Variants in PAN3 observed in about 807,000 individuals in gnomAD.
The protein encoded by PAN3 is PAN2-PAN3 deadenylation complex subunit PAN3.
Under a neutral mutation model 96.2 loss-of-function variants are expected in PAN3, and 19 were observed. That is an observed-to-expected ratio of 0.20 (90% CI 0.14 to 0.29). The LOEUF (loss-of-function observed/expected upper bound fraction) is 0.29, where lower values mean the gene tolerates loss of function less well. PAN3 is among the 10% of genes least tolerant of loss of function. PAN3 has a pLI of 1.00. For missense variants in PAN3, 882 were observed against 1,108.1 expected (o/e 0.80, Z 2.90); for synonymous variants, 433 against 406.6 (o/e 1.06, Z -0.78).
chr13:28,221,102 A>T (rs1193520633), intron 6 of PAN3, among the ~76,000 whole-genome samples: 1 of 152,124 alleles, frequency 6.6e-6, no homozygotes, highest in African/African-American at 2.4e-5. Flanking sequence ...ATTCATGCAG[A>T]TTTTGCATCT....
At chr13:28,194,154 AAAAT>A (rs376167758) in intron 4 of PAN3, among the ~76,000 whole-genome samples, 7,283 of 151,366 alleles carry the variant, frequency 0.048, 253 homozygotes, top group East Asian at 0.19. Context: ...CTCAAAAAAA[AAAAT>A]AAAAAGAGAC....
chr13:28,273,542 A>G (rs527969748), intron 14 of PAN3, among the ~76,000 whole-genome samples: 2 of 152,208 alleles, frequency 1.3e-5, no homozygotes, highest in East Asian at 1.9e-4. Context: ...CGGAGGTTGC[A>G]GTGAGCTGAG....
At position 28,138,704 on chromosome 13, in the gene PAN3, C is replaced by A; in HGVS notation, c.47C>A (p.Pro16His). The A allele has an allele frequency of 8.6e-7, 1 of 1,163,936 alleles. No individual in the cohort carries two copies. Among genetic ancestry groups the A allele is most frequent in the South Asian group, 2.3e-5 (1 of 43,820 alleles). 72.1% of individuals were successfully genotyped at this position (1,163,936 alleles called of 1,614,324 possible). Residue 16 changes from proline (P) to histidine (H), a missense_variant, in exon 1 of 19, where the codon CCT becomes CAT. Coordinates refer to ENST00000380958, the MANE Select transcript of PAN3 (RefSeq NM_175854.8). Reference protein sequence around the residue: ...GLPPPSAAASPSSSSLAAAVA... With the variant: ...GLPPPSAAASHSSSSLAAAVA... ...CCGCCCCCCTCGGCCGCCGCCTCCCCTTCCTCCTCCTCGCTGGCGGCGGCG... is the reference window on the plus strand; with the variant it reads ...CCGCCCCCCTCGGCCGCCGCCTCCCATTCCTCCTCCTCGCTGGCGGCGGCG...
At chr13:28,273,125 T>A (rs554744702) in intron 14 of PAN3, among the ~76,000 whole-genome samples, 16 of 152,358 alleles carry the variant, frequency 1.1e-4, no homozygotes, top group Non-Finnish European at 2.4e-4. Context: ...TAAGTAATTT[T>A]TTTATTTAGT....
At chr13:28,248,843 G>A (rs1176904231) in intron 6 of PAN3, among the ~76,000 whole-genome samples, 1 of 152,014 alleles carries the variant, frequency 6.6e-6, no homozygotes, top group Non-Finnish European at 1.5e-5. Context: ...GTTAGCTGTG[G>A]GTTTGTCATA....
chr13:28,279,946 C>A (rs1047209419), intron 15 of PAN3, among the ~76,000 whole-genome samples: 19 of 151,418 alleles, frequency 1.3e-4, no homozygotes, highest in Admixed American at 6.6e-4. Context: ...ACTACAGGTG[C>A]CCGCCACCAT....
intron 1 of PAN3, among the ~76,000 whole-genome samples, chr13:28,151,025 A>G (rs1038721749): frequency 1.3e-5 from 2 of 152,186 alleles, no homozygotes; most frequent in Non-Finnish European, 2.9e-5. Context: ...TGAAATAGGG[A>G]TATCAAGGTA....
At chr13:28,203,885 C>A (rs996260273) in intron 5 of PAN3, among the ~76,000 whole-genome samples, 1 of 147,876 alleles carries the variant, frequency 6.8e-6, no homozygotes, top group African/African-American at 2.5e-5. Flanking sequence ...CTCACTGCAT[C>A]CTCCACCTTC....
intron 1 of PAN3, among the ~76,000 whole-genome samples, chr13:28,145,459 G>T (rs1870507817): frequency 1.3e-5 from 2 of 151,938 alleles, no homozygotes; most frequent in South Asian, 4.1e-4. Flanking sequence ...TGAGTAGCTG[G>T]ACTTACAGGC....
intron 1 of PAN3, among the ~76,000 whole-genome samples, chr13:28,145,069 A>T (rs1163309383): frequency 6.6e-6 from 1 of 152,086 alleles, no homozygotes; most frequent in Non-Finnish European, 1.5e-5. Context: ...CCAATTTTAA[A>T]TGAACTTTTT....
At chr13:28,273,760 GT>G (rs934083318) in intron 14 of PAN3, among the ~76,000 whole-genome samples, 12 of 152,160 alleles carry the variant, frequency 7.9e-5, no homozygotes, top group African/African-American at 2.7e-4. Flanking sequence ...AAGTTTTTGG[GT>G]TTTTTGAACA....
chr13:28,216,655 T>C (rs940515440), intron 5 of PAN3, among the ~76,000 whole-genome samples: 6 of 152,178 alleles, frequency 3.9e-5, no homozygotes, highest in African/African-American at 1.4e-4. Context: ...GTGATTAAAA[T>C]AACCCTGACC....
chr13:28,262,115 T>C (rs1285220339), intron 9 of PAN3, among the ~76,000 whole-genome samples: 1 of 152,154 alleles, frequency 6.6e-6, no homozygotes, highest in African/African-American at 2.4e-5. Context: ...ACTTTATTTC[T>C]CACAAACATC....
At chr13:28,176,227 C>T (rs1324799149) in intron 2 of PAN3, among the ~76,000 whole-genome samples, 5 of 152,002 alleles carry the variant, frequency 3.3e-5, no homozygotes, top group Non-Finnish European at 7.4e-5. Flanking sequence ...TGTGTTTTGC[C>T]CAGGCTAATA....
intron 5 of PAN3, among the ~76,000 whole-genome samples, chr13:28,210,124 A>T (rs1392396574): frequency 6.6e-6 from 1 of 152,156 alleles, no homozygotes; most frequent in Non-Finnish European, 1.5e-5. Flanking sequence ...TTCTCATAAA[A>T]GGTACACCAG....
intron 18 of PAN3, among the ~76,000 whole-genome samples, chr13:28,291,867 C>T (rs1869793151): frequency 6.6e-6 from 1 of 152,068 alleles, no homozygotes; most frequent in Non-Finnish European, 1.5e-5. Flanking sequence ...CTTATAAATT[C>T]ATGGTGTCTG....
At chr13:28,196,305 G>GA (rs1260822213) in intron 4 of PAN3, among the ~76,000 whole-genome samples, 1 of 151,930 alleles carries the variant, frequency 6.6e-6, no homozygotes, top group Non-Finnish European at 1.5e-5. Flanking sequence ...TTTCTGAAGG[G>GA]AAAAAATACA....
In PAN3 at chr13:28,138,905, G is replaced by C. The variant is rs1159851629; in HGVS notation, c.248G>C (p.Ser83Thr). 7.2e-7 allele frequency: 1 copy of C among 1,386,804 alleles called. No individual in the cohort carries two copies. Among genetic ancestry groups the C allele is most frequent in the Non-Finnish European group, 9.3e-7 (1 of 1,074,536 alleles). The allele number at this position is 1,386,804 out of a possible 1,614,324, so 85.9% of individuals were successfully genotyped here. The change falls in exon 1 of 19, where the codon AGC becomes ACC. Residue 83 changes from serine to threonine, a missense_variant. Coordinates refer to ENST00000380958, the MANE Select transcript of PAN3 (RefSeq NM_175854.8). Reference protein sequence around the residue: ...AGAAPGLGLHSNSVPLALAGA... With the variant: ...AGAAPGLGLHTNSVPLALAGA... ...GCTGCCCCGGGCCTCGGCCTCCATA[G>C]CAACAGCGTCCCCCTGGCTCTGGCT...
At chr13:28,235,280 T>C (rs1406241858) in intron 6 of PAN3, among the ~76,000 whole-genome samples, 2 of 152,218 alleles carry the variant, frequency 1.3e-5, no homozygotes, top group Non-Finnish European at 2.9e-5. Context: ...TTTCCCACCA[T>C]TATTTTCCAT....
Sources: allele counts gnomAD v4.1 joint callset (sites outside exome capture counted in the v4.1 genomes callset), GRCh38; gene constraint gnomAD v4.1.1; transcripts MANE v1.5; gene names NCBI Gene and HGNC (gene_info 2026-07-23, HGNC 2026-07-21).